CBFA2T2: variants seen among roughly 807,000 people sequenced by gnomAD.
CBFA2T2 encodes the protein protein CBFA2T2.
In CBFA2T2, 11 loss-of-function variants were observed where a neutral mutation model predicts 62.2. The observed-to-expected ratio is 0.18, with a 90% CI of 0.11 to 0.29. The LOEUF is 0.29. Ranked by LOEUF, CBFA2T2 falls within the 10% of genes least tolerant of loss-of-function variation. The probability of loss-of-function intolerance (pLI) is 1.00; values close to 1 mark genes in which losing one functional copy is unlikely to be tolerated. For synonymous variants in CBFA2T2, 295 were observed against 287.5 expected (o/e 1.03, Z -0.27); for missense variants, 592 against 774.1 (o/e 0.76, Z 2.79).
chr20:33,568,983 T>G (rs1196552720), intron 1 of CBFA2T2, among the ~76,000 whole-genome samples: 1 of 152,210 alleles, frequency 6.6e-6, no homozygotes, highest in Non-Finnish European at 1.5e-5. Flanking sequence ...ATATTAAATG[T>G]AGAAACACCA....
chr20:33,584,547 G>A (rs1292856009), intron 1 of CBFA2T2, among the ~76,000 whole-genome samples: 2 of 152,022 alleles, frequency 1.3e-5, no homozygotes, highest in Admixed American at 6.6e-5. Flanking sequence ...GTGAGCCACC[G>A]CGCCCGGCCT....
rs34528525 is a variant in CBFA2T2, at chr20:33,497,274, CAAAAAAA to C, written c.34+6991_34+6997del. 9.8e-4 allele frequency among the ~76,000 whole-genome samples: 57 copies of C among 58,082 alleles called. 1 individual carries two copies. The highest frequency in any genetic ancestry group is 1.9e-3 in the Admixed American group (7 of 3,694). 38.1% of individuals were successfully genotyped at this position (58,082 alleles called of 152,430 possible). On this transcript the variant is annotated intron_variant, in intron 1 of 10. Coordinates refer to ENST00000342704, the MANE Select transcript of CBFA2T2 (RefSeq NM_001032999.3). ...GGTGACAAGAGCGAAACCCTGTCTC[CAAAAAAA>C]AAAAAAAAAAAAAAAAAGAATGTGG...
At chr20:33,625,103 C>CT (rs2016174095) in intron 6 of CBFA2T2, 86 bp downstream of exon 6, 1 of 1,305,344 alleles carries the variant, frequency 7.7e-7, no homozygotes, top group Non-Finnish European at 1.1e-6. Context: ...AATATGATTG[C>CT]TTTTTCCCAC....
intron 1 of CBFA2T2, among the ~76,000 whole-genome samples, chr20:33,519,167 G>GA (rs1451145027): frequency 6.6e-6 from 1 of 151,814 alleles, no homozygotes; most frequent in East Asian, 1.9e-4. Context: ...AACTATTCAG[G>GA]AAAAAAAATA....
intron 1 of CBFA2T2, among the ~76,000 whole-genome samples, chr20:33,603,957 A>G (rs2122279717): frequency 6.6e-6 from 1 of 152,316 alleles, no homozygotes; most frequent in Non-Finnish European, 1.5e-5. Flanking sequence ...ACCCTTTCCC[A>G]TCATCTGAGC....
chr20:33,504,502 A>G (rs1310605065), intron 1 of CBFA2T2, among the ~76,000 whole-genome samples: 1 of 148,018 alleles, frequency 6.8e-6, no homozygotes, highest in Non-Finnish European at 1.5e-5. Context: ...TCCTGAGTTT[A>G]AGCAAATTCT....
At chr20:33,536,817 G>A (rs1164142514) in intron 1 of CBFA2T2, among the ~76,000 whole-genome samples, 2 of 150,502 alleles carry the variant, frequency 1.3e-5, no homozygotes, top group African/African-American at 2.4e-5. Context: ...GATGGCGGCC[G>A]GGAAGAGGCG....
At chr20:33,575,143 A>G (rs543819110) in intron 1 of CBFA2T2, among the ~76,000 whole-genome samples, 6 of 152,218 alleles carry the variant, frequency 3.9e-5, no homozygotes, top group Non-Finnish European at 8.8e-5. Flanking sequence ...ACTGACTGCT[A>G]TGCGAGGTAG....
intron 1 of CBFA2T2, among the ~76,000 whole-genome samples, chr20:33,559,172 CTTTTTTTTTTTT>C (rs376048540): frequency 4.6e-5 from 4 of 87,626 alleles, no homozygotes; most frequent in Admixed American, 1.5e-4. Context: ...TTTTTCCTTT[CTTTTTTTTTTTT>C]TTTTTTTTTC....
intron 1 of CBFA2T2, among the ~76,000 whole-genome samples, chr20:33,501,986 C>A (rs1282591574): frequency 6.6e-6 from 1 of 152,006 alleles, no homozygotes; most frequent in Non-Finnish European, 1.5e-5. Flanking sequence ...GATGAGGTCT[C>A]ACTTTGTTGC....
At chr20:33,519,816 C>T (rs1314539818) in intron 1 of CBFA2T2, among the ~76,000 whole-genome samples, 1 of 152,098 alleles carries the variant, frequency 6.6e-6, no homozygotes, top group Admixed American at 6.6e-5. Flanking sequence ...GCATTGGTGT[C>T]TCAGAGGGTG....
In CBFA2T2 at chr20:33,580,114, G is replaced by A. The variant is rs148515574; in HGVS notation, c.35-26842G>A. 1.0e-3 allele frequency among the ~76,000 whole-genome samples: 155 copies of A among 151,948 alleles called. 1 individual carries two copies. In the East Asian group the frequency reaches 0.023, roughly 23 times the overall value. On this transcript the variant is annotated intron_variant, in intron 1 of 10. Transcript: ENST00000342704. ...TTATGGGTGTGAGCCACTGCGCCTG[G>A]CCTCTTTTTTCTTTTTTTAATCTAA...
intron 1 of CBFA2T2, among the ~76,000 whole-genome samples, chr20:33,494,265 ATATATATATTTTTTT>A (rs1180779409): frequency 1.5e-5 from 1 of 64,626 alleles, no homozygotes; most frequent in Admixed American, 2.3e-4. Context: ...ATATATATAT[ATATATATATTTTTTT>A]TTTTTTTTTT....
intron 1 of CBFA2T2, among the ~76,000 whole-genome samples, chr20:33,546,514 C>A (rs1243380233): frequency 6.6e-6 from 1 of 151,522 alleles, no homozygotes; most frequent in African/African-American, 2.4e-5. Flanking sequence ...TCACTGCAAC[C>A]TTTACCTGCT....
chr20:33,623,622 A>C, intron 5 of CBFA2T2: 1 of 636,546 alleles, frequency 1.6e-6, no homozygotes, highest in Non-Finnish European at 2.8e-6. Flanking sequence ...AGGTTTTACC[A>C]TGTTGCCCAG....
At chr20:33,558,286 C>G (rs1276492133) in intron 1 of CBFA2T2, among the ~76,000 whole-genome samples, 1 of 152,034 alleles carries the variant, frequency 6.6e-6, no homozygotes, top group East Asian at 1.9e-4. Flanking sequence ...AGTGCGCCAT[C>G]TTGCCCAGCT....
At chr20:33,560,455 C>A (rs2013043359) in intron 1 of CBFA2T2, among the ~76,000 whole-genome samples, 1 of 152,186 alleles carries the variant, frequency 6.6e-6, no homozygotes, top group Non-Finnish European at 1.5e-5. Context: ...ACCTTATAGG[C>A]CCTTTAACAT....
chr20:33,601,231 G>GT (rs1478479657), intron 1 of CBFA2T2, among the ~76,000 whole-genome samples: 58 of 150,712 alleles, frequency 3.8e-4, no homozygotes, highest in African/African-American at 8.8e-4. Context: ...TCTGATTTTT[G>GT]TTTTTTTTGT....
intron 1 of CBFA2T2, among the ~76,000 whole-genome samples, chr20:33,581,386 T>A (rs1355777830): frequency 6.6e-6 from 1 of 152,166 alleles, no homozygotes; most frequent in Non-Finnish European, 1.5e-5. Flanking sequence ...TTAACCTAAT[T>A]TCTAAAGATT....
Sources: gnomAD v4.1 joint callset for allele counts (sites outside exome capture counted in the v4.1 genomes callset) on GRCh38, gnomAD v4.1.1 for gene constraint, MANE v1.5 for transcripts, NCBI Gene and HGNC (gene_info 2026-07-23, HGNC 2026-07-21) for gene names.